The following MRPL27 variants were observed in gnomAD, a reference collection of about 807,000 sequenced individuals.
MRPL27 encodes the protein mitochondrial ribosomal protein L27, also known as large ribosomal subunit protein bL27m.
Under a neutral mutation model 14.6 loss-of-function variants are expected in MRPL27, and 4 were observed. The observed-to-expected ratio is 0.27, with a 90% confidence interval of 0.14 to 0.63. The LOEUF (loss-of-function observed/expected upper bound fraction) is 0.63, where lower values mean the gene tolerates loss of function less well. MRPL27 is among the 20% of genes least tolerant of loss of function. The pLI, the probability that MRPL27 is intolerant of heterozygous loss-of-function variation, is 0.85. For synonymous variants in MRPL27, 82 were observed against 75.5 expected, an observed-to-expected ratio of 1.09 and a Z score of -0.45; for missense variants, 196 against 192.8, an observed-to-expected ratio of 1.02 and a Z score of -0.10.
intron 3 of MRPL27, chr17:50,369,300 A>G (rs1466927771): frequency 6.2e-6 from 1 of 162,022 alleles, no homozygotes; most frequent in Non-Finnish European, 1.3e-5. Flanking sequence ...AAGCTACTAC[A>G]TACATAATCA....
chr17:50,368,662 A>T (rs1913035540), intron 3 of MRPL27: 2 of 596,834 alleles, frequency 3.4e-6, no homozygotes, highest in Non-Finnish European at 5.9e-6. Flanking sequence ...TGTCATATTA[A>T]AACACTAGTT....
At position 50,368,386 on chromosome 17, in the gene MRPL27, G is replaced by A. The variant is rs58140863; in HGVS notation, c.241-88C>T. ...TGGGACAGACTTCTCACACAGAGCC[G>A]GGCCCTGGGGCTGAAAGGGTGATCA... On this transcript the variant is annotated intron_variant, in intron 3 of 3. Coordinates refer to ENST00000225969, the MANE Select transcript of MRPL27 (RefSeq NM_016504.3). 3.8e-3 allele frequency: 5,174 copies of A among 1,373,542 alleles called. 150 individuals are homozygous for A. In the African/African-American group the frequency reaches 0.062, roughly 17 times the overall value. The allele number at this position is 1,373,542 out of a possible 1,614,324, so 85.1% of individuals were successfully genotyped here.
intron 1 of MRPL27, 137 bp from the exon 2 acceptor site, chr17:50,370,723 A>G (rs1050639369): frequency 3.6e-6 from 4 of 1,116,662 alleles, no homozygotes; most frequent in Non-Finnish European, 5.1e-6. Flanking sequence ...CACTGAGTGT[A>G]TTAGTTCTCA....
chr17:50,368,800 T>A, intron 3 of MRPL27: 1 of 699,630 alleles, frequency 1.4e-6, no homozygotes. Context: ...AATACCCATG[T>A]AAGCCCTTTA....
At chr17:50,372,865 A>G in intron 1 of MRPL27, 1 of 561,206 alleles carries the variant, frequency 1.8e-6, no homozygotes, top group East Asian at 3.0e-5. Context: ...CAGAGAAAGG[A>G]CCCACCCAAA....
intron 3 of MRPL27, chr17:50,368,897 G>A (rs1435471772): frequency 2.8e-6 from 2 of 701,850 alleles, no homozygotes; most frequent in African/African-American, 3.5e-5. Context: ...GAAGCAGAGA[G>A]ATTAAACTGT....
intron 3 of MRPL27, 158 bp downstream of exon 3, chr17:50,369,874 T>C (rs371924928): frequency 2.4e-6 from 2 of 823,730 alleles, no homozygotes; most frequent in East Asian, 2.8e-5. Flanking sequence ...CTTACAGGGA[T>C]GTGGTAAGGA....
intron 1 of MRPL27, 122 bp from the exon 2 acceptor site, chr17:50,370,708 A>T: frequency 1.6e-6 from 2 of 1,277,038 alleles, no homozygotes; most frequent in Non-Finnish European, 2.2e-6. Context: ...GGGGAGCAGA[A>T]GTGCCACTGA....
rs371494430 is a variant in MRPL27, at chr17:50,372,647, C to T, written c.40+484G>A. On this transcript the variant is annotated intron_variant, in intron 1 of 3. Coordinates refer to ENST00000225969, the MANE Select transcript of MRPL27 (RefSeq NM_016504.3). ...AGACACACATTATCCTTCTTCACAG[C>T]ACTTGCCAGTCTACATCTACTTTAT... Among the ~76,000 whole-genome samples, 20 of 152,350 alleles carry T rather than the reference C, an allele frequency of 1.3e-4. 1 individual carries two copies. In the South Asian group the frequency reaches 3.1e-3, roughly 24 times the overall value.
Position 50,368,200 on chromosome 17 carries a change from A to G in MRPL27, c.339T>C (p.Ala113=), listed in dbSNP as rs1913018090. The change falls in exon 4 of 4, where the codon GCT becomes GCC. Residue 113 remains alanine (A), a synonymous_variant. Transcript: ENST00000225969. ...VYVPHPRNTE[A]VDLITRLPKG... The stretch of plus-strand genomic sequence containing the variant: ...TGGGCAGCCTGGTGATCAGATCCAC[A>G]GCCTCCGTGTTTCTGGGATGAGGCA... 6.2e-7 allele frequency: 1 copy of G among 1,614,090 alleles called. No individual in the cohort carries two copies. The highest frequency in any genetic ancestry group is 1.7e-5 in the Admixed American group (1 of 60,010).
chr17:50,368,851 T>C (rs1598356886), intron 3 of MRPL27: 4 of 702,450 alleles, frequency 5.7e-6, no homozygotes, highest in Non-Finnish European at 7.8e-6. Flanking sequence ...GTGAAAGAGG[T>C]ATTATTTCCA....
chr17:50,368,608 GAAGATGCC>G, intron 3 of MRPL27: 2 of 591,782 alleles, frequency 3.4e-6, no homozygotes, highest in Non-Finnish European at 6.0e-6. Flanking sequence ...CAAAACCCAG[GAAGATGCC>G]CTAAATCTTC....
chr17:50,368,385 C>A, intron 3 of MRPL27, 87 bp from the exon 4 acceptor site: 1 of 1,414,842 alleles, frequency 7.1e-7, no homozygotes, highest in Non-Finnish European at 9.7e-7. Context: ...CACACAGAGC[C>A]GGGCCCTGGG....
chr17:50,370,696 CAG>C (rs566947960), intron 1 of MRPL27, 110 bp from the exon 2 acceptor site: 36 of 1,485,822 alleles, frequency 2.4e-5, no homozygotes, highest in Non-Finnish European at 3.0e-5. Context: ...AAAGCTGTGT[CAG>C]GGGAGCAGAA....
intron 1 of MRPL27, 51 bp from the exon 2 acceptor site, chr17:50,370,637 T>G: frequency 6.2e-7 from 1 of 1,610,228 alleles, no homozygotes; most frequent in East Asian, 2.2e-5. Context: ...AAACTATTTC[T>G]GCCTCAATGG....
chr17:50,369,489 C>T (rs923831489), intron 3 of MRPL27: 72 of 190,054 alleles, frequency 3.8e-4, no homozygotes, highest in Non-Finnish European at 4.7e-4. Context: ...ACTGTCCTAC[C>T]CTATAAAAAT....
intron 3 of MRPL27, 150 bp from the exon 4 acceptor site, chr17:50,368,448 G>A (rs1167997633): frequency 1.3e-6 from 1 of 751,768 alleles, no homozygotes; most frequent in Non-Finnish European, 2.2e-6. Context: ...CCACTGGCTA[G>A]CACGTCCAAA....
rs1350294418 is a variant in MRPL27 at position 50,370,504 on chromosome 17, G to A, written c.123C>T (p.Asn41=). The part of the protein sequence containing the change: ...ASKKSGGSSK[N]LGGKSSGRRQ... ...GTCTGCCTGATGACTTTCCACCGAG[G>A]TTTTTGGAGCTACCACCCGACTTCT... The change falls in exon 2 of 4, where the codon AAC becomes AAT. Residue 41 remains asparagine, a synonymous_variant. Coordinates refer to ENST00000225969, the MANE Select transcript of MRPL27 (RefSeq NM_016504.3). 6.2e-7 allele frequency: 1 copy of A among 1,614,194 alleles called. No individual in the cohort carries two copies.
chr17:50,368,992 G>A (rs955088972), intron 3 of MRPL27: 25 of 653,594 alleles, frequency 3.8e-5, no homozygotes, highest in African/African-American at 3.8e-4. Context: ...TACCCAGGTA[G>A]TCCAGCATTA....
Sources: gnomAD v4.1 joint callset for allele counts (sites outside exome capture counted in the v4.1 genomes callset) on GRCh38, gnomAD v4.1.1 for gene constraint, MANE v1.5 for transcripts, NCBI Gene and HGNC (gene_info 2026-07-23, HGNC 2026-07-21) for gene names.